Variants in C1QTNF2 observed in about 807,000 individuals in gnomAD.
C1QTNF2 encodes the protein complement C1q tumor necrosis factor-related protein 2.
A neutral mutation model predicts 17.4 loss-of-function variants in C1QTNF2; 15 were observed. The observed-to-expected ratio is 0.86, with a 90% CI of 0.58 to 1.33. C1QTNF2 has a LOEUF of 1.33. Among genes scored for constraint, C1QTNF2 ranks in the 40% most tolerant of loss-of-function variants. The pLI is 0.00. For synonymous variants in C1QTNF2, 154 were observed against 163.3 expected (o/e 0.94, Z 0.44); for missense variants, 381 against 392.3 (o/e 0.97, Z 0.24).
intron 1 of C1QTNF2, among the ~76,000 whole-genome samples, chr5:160,356,276 G>T (rs1248846869): frequency 6.6e-6 from 1 of 152,224 alleles, no homozygotes; most frequent in Non-Finnish European, 1.5e-5. Flanking sequence ...AACTTGCTTT[G>T]TGACCTTAGG....
intron 2 of C1QTNF2, among the ~76,000 whole-genome samples, chr5:160,350,441 C>G (rs867021298): frequency 6.6e-6 from 1 of 152,104 alleles, no homozygotes; most frequent in Non-Finnish European, 1.5e-5. Flanking sequence ...AGGTGGCTCG[C>G]GTCTATAATC....
chr5:160,368,225 A>G (rs1160883802), intron 1 of C1QTNF2, among the ~76,000 whole-genome samples: 1 of 152,194 alleles, frequency 6.6e-6, no homozygotes, highest in Non-Finnish European at 1.5e-5. Context: ...TTGGCACATA[A>G]TTCCTTTCAA....
chr5:160,370,397 C>T (rs71603663), intron 1 of C1QTNF2, 115 bp downstream of exon 1: 5 of 1,297,996 alleles, frequency 3.9e-6, no homozygotes, highest in Non-Finnish European at 4.9e-6. Flanking sequence ...TAAAGGCGCG[C>T]TGGCAGCTCT....
At chr5:160,351,276 C>T (rs1763917575) in intron 2 of C1QTNF2, among the ~76,000 whole-genome samples, 1 of 152,158 alleles carries the variant, frequency 6.6e-6, no homozygotes, top group Non-Finnish European at 1.5e-5. Flanking sequence ...TAGTTTATGT[C>T]CCCTCAACTC....
In C1QTNF2 at chr5:160,355,663, C is replaced by T. The variant is rs554566459; in HGVS notation, c.-9-643G>A. ...TATAGAATAGATACAGGAGAAGAAG[C>T]GGAGGCTCAGAGAAGTTGAGCAATG... On this transcript the variant is annotated intron_variant, in intron 1 of 2. Transcript: ENST00000652664. Among the ~76,000 whole-genome samples, 6 of 152,306 alleles carry T rather than the reference C, an allele frequency of 3.9e-5. No homozygotes were observed. In the South Asian group the frequency reaches 1.0e-3, roughly 26 times the overall value.
At position 160,349,195 on chromosome 5, in the gene C1QTNF2, G is replaced by A. The variant is rs767632008; in HGVS notation, c.831C>T (p.Ala277=). 1.5e-5 allele frequency: 24 copies of A among 1,613,568 alleles called. No individual in the cohort carries two copies. Among genetic ancestry groups the A allele is most frequent in the African/African-American group, 2.7e-5 (2 of 74,892 alleles). ...ATACCTCGTTGGGGTCATCCTGGTC[G>A]GCATAGATTAGGAAGCCCGTAAAGA... The part of the protein sequence containing the change: ...DSLFTGFLIY[A]DQDDPNEV Residue 277 remains alanine, a synonymous_variant, in exon 3 of 3, where the codon GCC becomes GCT. Coordinates refer to ENST00000652664, the MANE Select transcript of C1QTNF2 (RefSeq NM_031908.6). The surrounding 1 kb of genome is among the most constrained non-coding windows in gnomAD (Gnocchi z 4.3).
intron 1 of C1QTNF2, among the ~76,000 whole-genome samples, chr5:160,361,596 G>A (rs541473176): frequency 6.6e-6 from 1 of 152,260 alleles, no homozygotes; most frequent in East Asian, 1.9e-4. Flanking sequence ...GAAAATAATA[G>A]TATACCTACC....
intron 1 of C1QTNF2, among the ~76,000 whole-genome samples, chr5:160,364,136 G>T (rs1351909777): frequency 6.6e-6 from 1 of 152,178 alleles, no homozygotes; most frequent in African/African-American, 2.4e-5. Context: ...TTATTAATGA[G>T]ACATTTTACA....
chr5:160,365,035 C>A (rs1389911395), intron 1 of C1QTNF2, among the ~76,000 whole-genome samples: 1 of 152,194 alleles, frequency 6.6e-6, no homozygotes, highest in Non-Finnish European at 1.5e-5. Context: ...GTAGGGCCCA[C>A]TCTGATCCCT....
intron 1 of C1QTNF2, among the ~76,000 whole-genome samples, chr5:160,358,396 C>A (rs767020342): frequency 2.6e-5 from 4 of 152,206 alleles, no homozygotes; most frequent in African/African-American, 7.2e-5. Flanking sequence ...GCCTGGGGGG[C>A]AGGGTGCTTA....
chr5:160,350,964 A>T (rs1448028630), intron 2 of C1QTNF2, among the ~76,000 whole-genome samples: 2 of 152,076 alleles, frequency 1.3e-5, no homozygotes, highest in Non-Finnish European at 2.9e-5. Context: ...GTTAGCCAGG[A>T]TGGTCTTAAA....
In C1QTNF2 at chr5:160,349,582, G is replaced by C; in HGVS notation, c.444C>G (p.Thr148=). 6.2e-7 allele frequency: 1 copy of C among 1,613,708 alleles called. No homozygotes were observed. Among genetic ancestry groups the C allele is most frequent in the Non-Finnish European group, 8.5e-7 (1 of 1,179,984 alleles). Residue 148 remains threonine, a synonymous_variant, in exon 3 of 3, where the codon ACC becomes ACG. Transcript: ENST00000652664. This position sits in a 1 kb window ranked among gnomAD's most constrained non-coding sequence, Gnocchi z 4.3. Reference sequence around the variant, plus strand: ...TCACTGCCACCGAGAAAGCTGACTTGGTATGGCCACTGCCACAGCTGCAGG... The same window carrying C: ...TCACTGCCACCGAGAAAGCTGACTTCGTATGGCCACTGCCACAGCTGCAGG... ...PGPCSCGSGH[T]KSAFSVAVTK... is the part of the protein sequence containing the mutation.
At chr5:160,351,025 C>G (rs1472633857) in intron 2 of C1QTNF2, among the ~76,000 whole-genome samples, 2 of 152,214 alleles carry the variant, frequency 1.3e-5, no homozygotes, top group African/African-American at 4.8e-5. Flanking sequence ...GCTGGGATTA[C>G]AGGCGTGAGC....
In C1QTNF2 at chr5:160,347,759, T is replaced by TTG. The variant is rs1223284979; in HGVS notation, c.*1408_*1409insCA. 2.6e-4 allele frequency: 39 copies of TTG among 150,738 alleles called. No homozygotes were observed. The highest frequency in any genetic ancestry group is 1.5e-3 in the Admixed American group (23 of 15,128). The allele number at this position is 150,738 out of a possible 1,614,324, so 9.3% of individuals were successfully genotyped here. A position where few individuals can be genotyped will look rare whatever the true frequency, so the allele number is the denominator to read the frequency against. On this transcript the variant is annotated 3_prime_UTR_variant, in exon 3 of 3. Transcript: ENST00000652664. ...TACCTGCGTTTTTGTTTTTGTTTTTTTTTTTTTTTTGTTTTTTTTTGAGAT... is the reference window on the plus strand; with the variant it reads ...TACCTGCGTTTTTGTTTTTGTTTTTTTGTTTTTTTTTTGTTTTTTTTTGAGAT...
intron 1 of C1QTNF2, among the ~76,000 whole-genome samples, chr5:160,357,367 T>C (rs1294938614): frequency 6.6e-6 from 1 of 152,210 alleles, no homozygotes; most frequent in Non-Finnish European, 1.5e-5. Context: ...TTTGATTGTA[T>C]TTCTGATGTC....
intron 1 of C1QTNF2, among the ~76,000 whole-genome samples, chr5:160,360,468 T>A (rs1764133294): frequency 6.6e-6 from 1 of 152,176 alleles, no homozygotes; most frequent in African/African-American, 2.4e-5. Context: ...CCGAATCAGA[T>A]CAAATCCCTC....
chr5:160,357,534 G>A (rs767006750), intron 1 of C1QTNF2, among the ~76,000 whole-genome samples: 6 of 152,174 alleles, frequency 3.9e-5, no homozygotes, highest in East Asian at 1.9e-4. Flanking sequence ...CCCTGTCTAC[G>A]TTAGGAGAGT....
In C1QTNF2 at chr5:160,354,716, C is replaced by A. The variant is rs190652909; in HGVS notation, c.244+52G>T. On this transcript the variant is annotated intron_variant, in intron 2 of 2. Coordinates refer to ENST00000652664, the MANE Select transcript of C1QTNF2 (RefSeq NM_031908.6). ...TTAACTTCATGATGCCCCCCACATG[C>A]CGGATGCTGTCAGCCAGGTGGGAAC... 1.2e-3 allele frequency: 1,945 copies of A among 1,607,666 alleles called. 5 individuals are homozygous for A. The highest frequency in any genetic ancestry group is 1.5e-3 in the Admixed American group (90 of 59,314).
rs4921134 is a variant in C1QTNF2, at chr5:160,361,627, A to C, written c.-9-6607T>G. Among the ~76,000 whole-genome samples, 748 of 152,028 alleles carry C rather than the reference A, an allele frequency of 4.9e-3. 7 individuals are homozygous for C. Among genetic ancestry groups the C allele is most frequent in the African/African-American group, 0.017 (717 of 41,446 alleles). ...CTACCTCAGGGAGTTTGTGTGAGAA[A>C]TGAGTGAAGGAATGCATTCAAAGAT... On this transcript the variant is annotated intron_variant, in intron 1 of 2. Coordinates refer to ENST00000652664, the MANE Select transcript of C1QTNF2 (RefSeq NM_031908.6).
Sources: gnomAD v4.1 joint callset for allele counts (sites outside exome capture counted in the v4.1 genomes callset) on GRCh38, gnomAD v4.1.1 for gene constraint, Gnocchi (gnomAD v3.1) non-coding constraint, MANE v1.5 for transcripts, NCBI Gene and HGNC (gene_info 2026-07-23, HGNC 2026-07-21) for gene names.